Variants in GFPT1 observed in about 807,000 individuals in gnomAD.
GFPT1 encodes the protein glutamine--fructose-6-phosphate aminotransferase [isomerizing] 1.
GFPT1 carries 40 observed loss-of-function variants against 92.0 expected under a neutral mutation model. That is an observed-to-expected ratio of 0.43 (90% confidence interval 0.34 to 0.57). The LOEUF (loss-of-function observed/expected upper bound fraction) is 0.57. GFPT1 is among the 20% of genes least tolerant of loss of function. GFPT1 has a pLI of 0.02. For synonymous variants in GFPT1, 269 were observed against 280.6 expected (o/e 0.96, Z 0.41); for missense variants, 448 against 869.1 (o/e 0.52, Z 6.09).
chr2:69,371,138 G>A (rs867015259), intron 2 of GFPT1, among the ~76,000 whole-genome samples: 5 of 144,668 alleles, frequency 3.5e-5, no homozygotes, highest in Non-Finnish European at 7.5e-5. Context: ...GGGCAGTGGC[G>A]CAATCTCAGC....
intron 1 of GFPT1, among the ~76,000 whole-genome samples, chr2:69,379,955 G>T (rs1404323105): frequency 6.6e-6 from 1 of 151,928 alleles, no homozygotes; most frequent in Non-Finnish European, 1.5e-5. Flanking sequence ...CTGGACTCAA[G>T]CGATCCTCTT....
chr2:69,367,640 C>T (rs1026830656), intron 3 of GFPT1, among the ~76,000 whole-genome samples: 1 of 152,170 alleles, frequency 6.6e-6, no homozygotes, highest in Non-Finnish European at 1.5e-5. Flanking sequence ...GGATTACAAG[C>T]GTGAGCCACC....
At chr2:69,355,983 CTTTTT>C (rs1157501841) in intron 7 of GFPT1, among the ~76,000 whole-genome samples, 4 of 75,610 alleles carry the variant, frequency 5.3e-5, no homozygotes, top group Admixed American at 3.8e-4. Context: ...TATTTGCTTT[CTTTTT>C]TTTTTTTTTT....
intron 6 of GFPT1, among the ~76,000 whole-genome samples, 183 bp downstream of exon 6, chr2:69,358,146 T>A (rs544455758): frequency 9.7e-4 from 147 of 152,034 alleles, no homozygotes; most frequent in Middle Eastern, 3.4e-3. Flanking sequence ...GAATTTTAAA[T>A]GGAGGGTGGG....
At chr2:69,347,441 T>C (rs967439723) in intron 11 of GFPT1, among the ~76,000 whole-genome samples, 1 of 151,780 alleles carries the variant, frequency 6.6e-6, no homozygotes, top group Non-Finnish European at 1.5e-5. Flanking sequence ...GAAGCAAATA[T>C]TACATACGAC....
chr2:69,326,903 A>G lies in GFPT1; in HGVS notation c.2055+11T>C, dbSNP rs1670544651. 1 of 1,613,612 alleles carries G rather than the reference A, an allele frequency of 6.2e-7. No homozygotes were observed. The highest frequency in any genetic ancestry group is 8.5e-7 in the Non-Finnish European group (1 of 1,179,576). On this transcript the variant is annotated intron_variant, in intron 19 of 19. Transcript: ENST00000357308. ...ACCATCCCAAGATTTCTGCAGTGGT[A>G]GATGACTTACATCATAGCCTCTCAG...
At chr2:69,327,867 T>C (rs539557320) in intron 18 of GFPT1, among the ~76,000 whole-genome samples, 2 of 150,776 alleles carry the variant, frequency 1.3e-5, no homozygotes, top group East Asian at 1.9e-4. Flanking sequence ...CTTTGGGGGG[T>C]TGAGGCAGGT....
chr2:69,344,299 T>C (rs975947379), intron 12 of GFPT1, among the ~76,000 whole-genome samples: 1 of 152,074 alleles, frequency 6.6e-6, no homozygotes, highest in Non-Finnish European at 1.5e-5. Flanking sequence ...GCCACGGTTG[T>C]TTCCTTAAAA....
At chr2:69,351,180 A>C (rs1216255783) in intron 9 of GFPT1, among the ~76,000 whole-genome samples, 2 of 152,190 alleles carry the variant, frequency 1.3e-5, no homozygotes, top group Non-Finnish European at 2.9e-5. Context: ...AGTCAGGATA[A>C]AGTAGGGTCT....
intron 11 of GFPT1, among the ~76,000 whole-genome samples, chr2:69,346,640 C>T (rs565854536): frequency 1.3e-5 from 2 of 151,894 alleles, no homozygotes; most frequent in South Asian, 4.2e-4. Flanking sequence ...AATAAGAGAC[C>T]AATTACTTCA....
intron 4 of GFPT1, among the ~76,000 whole-genome samples, chr2:69,363,279 T>C (rs1487569877): frequency 6.6e-6 from 1 of 152,124 alleles, no homozygotes; most frequent in Non-Finnish European, 1.5e-5. Flanking sequence ...TATTTTTTTA[T>C]TTTTTGTAGA....
intron 2 of GFPT1, among the ~76,000 whole-genome samples, chr2:69,372,198 C>CAA (rs534920006): frequency 4.0e-4 from 21 of 52,640 alleles, no homozygotes; most frequent in Non-Finnish European, 5.7e-4. Context: ...GACTCCATCT[C>CAA]AAAAAAAAAA....
intron 1 of GFPT1, among the ~76,000 whole-genome samples, chr2:69,383,144 C>T (rs1380314835): frequency 2.6e-5 from 4 of 152,062 alleles, no homozygotes; most frequent in Non-Finnish European, 4.4e-5. Flanking sequence ...TCACCGGATG[C>T]TAAAAAGGAA....
rs144023634 is a variant in GFPT1 at position 69,344,685 on chromosome 2, C to T, written c.1105+1219G>A. On this transcript the variant is annotated intron_variant, in intron 12 of 19. Transcript: ENST00000357308. ...TTTTTTTTTGAGACAGGTCTTTCAA[C>T]CAGGCTGCAGTGCAGTGGTGGAGTC... 7.0e-3 allele frequency among the ~76,000 whole-genome samples: 1,062 copies of T among 150,898 alleles called. 46 individuals are homozygous for T. The highest frequency in any genetic ancestry group is 0.056 in the Admixed American group (851 of 15,168).
intron 15 of GFPT1, among the ~76,000 whole-genome samples, chr2:69,332,892 A>G (rs12466648): frequency 0.14 from 21,028 of 151,786 alleles, 1,626 homozygotes; most frequent in Non-Finnish European, 0.17. Flanking sequence ...GACTCCCTCT[A>G]TAATAAAATC....
At chr2:69,374,434 C>T (rs1026343117) in intron 1 of GFPT1, among the ~76,000 whole-genome samples, 1 of 152,030 alleles carries the variant, frequency 6.6e-6, no homozygotes, top group African/African-American at 2.4e-5. Flanking sequence ...CTGCCTCAGC[C>T]TCCCGAGTAG....
chr2:69,329,644 C>T (rs1670612568), intron 16 of GFPT1, 40 bp downstream of exon 16: 2 of 1,320,126 alleles, frequency 1.5e-6, no homozygotes, highest in African/African-American at 2.9e-5. Context: ...TTACCCACTC[C>T]CTTAGACAAC....
At chr2:69,329,221 T>A in intron 17 of GFPT1, 76 bp downstream of exon 17, 1 of 1,394,662 alleles carries the variant, frequency 7.2e-7, no homozygotes, top group East Asian at 2.3e-5. Context: ...ATTTCATTCA[T>A]TTAATGTAAA....
At chr2:69,339,089 C>T (rs1670872621) in intron 13 of GFPT1, among the ~76,000 whole-genome samples, 1 of 152,142 alleles carries the variant, frequency 6.6e-6, no homozygotes, top group Non-Finnish European at 1.5e-5. Context: ...TGGACACATA[C>T]ATTCTTATAA....
Sources: gnomAD v4.1 joint callset for allele counts (sites outside exome capture counted in the v4.1 genomes callset) on GRCh38, gnomAD v4.1.1 for gene constraint, MANE v1.5 for transcripts, NCBI Gene and HGNC (gene_info 2026-07-23, HGNC 2026-07-21) for gene names.